Variants in CACNG6 observed in about 807,000 individuals in gnomAD.
CACNG6 encodes the protein calcium voltage-gated channel auxiliary subunit gamma 6.
CACNG6 carries 21 observed loss-of-function variants against 23.9 expected under a neutral mutation model. The ratio of observed to expected loss-of-function variants is 0.88; its 90% CI spans 0.62 to 1.26. The LOEUF is 1.26. Among genes scored for constraint, CACNG6 ranks in the 50% most tolerant of loss-of-function variants. The pLI is 0.00. For missense variants in CACNG6, 340 were observed against 352.9 expected, an observed-to-expected ratio of 0.96 and a Z score of 0.29; for synonymous variants, 182 against 168.9, an observed-to-expected ratio of 1.08 and a Z score of -0.60.
chr19:53,999,920 C>T, intron 3 of CACNG6, 149 bp downstream of exon 3: 1 of 987,300 alleles, frequency 1.0e-6, no homozygotes, highest in Non-Finnish European at 1.5e-6. Context: ...AGTAGGGTCT[C>T]CACACACTGT....
chr19:54,003,753 T>C (rs2069604728), intron 3 of CACNG6, among the ~76,000 whole-genome samples: 2 of 152,200 alleles, frequency 1.3e-5, no homozygotes, highest in African/African-American at 4.8e-5. Flanking sequence ...ACGGCTATAT[T>C]TCCCCGAGGT....
chr19:54,011,329 T>A (rs1318986918), intron 3 of CACNG6, among the ~76,000 whole-genome samples: 1 of 144,648 alleles, frequency 6.9e-6, no homozygotes, highest in East Asian at 2.0e-4. Context: ...GAACCCCAGC[T>A]ACTCGGGAGA....
chr19:53,992,600 C>T lies in CACNG6; in HGVS notation c.-278C>T, dbSNP rs1286797641. 3.5e-6 allele frequency: 1 copy of T among 284,094 alleles called. No individual in the cohort carries two copies. Among genetic ancestry groups the T allele is most frequent in the East Asian group, 5.8e-5 (1 of 17,180 alleles). The allele number at this position is 284,094 out of a possible 1,614,324, so 17.6% of individuals were successfully genotyped here. ...TGGGGGCCTTGTTTTTCCTCTGGGC[C>T]CCGTCTTCTTTGCCAAGTTCTTGAG... is the stretch of plus-strand genomic sequence containing the variant. On this transcript the variant is annotated 5_prime_UTR_variant, in exon 1 of 4. Coordinates refer to ENST00000252729, the MANE Select transcript of CACNG6 (RefSeq NM_145814.2). This position sits in a 1 kb window ranked among gnomAD's most constrained non-coding sequence, Gnocchi z 4.1.
At chr19:54,002,295 T>TTTTTTTG (rs1568815148) in intron 3 of CACNG6, among the ~76,000 whole-genome samples, 1 of 146,178 alleles carries the variant, frequency 6.8e-6, no homozygotes, top group African/African-American at 2.7e-5. Flanking sequence ...TTTTTTTTTT[T>TTTTTTTG]TTTGTAGAGA....
chr19:53,999,929 G>A (rs959909204), intron 3 of CACNG6, among the ~76,000 whole-genome samples, 158 bp downstream of exon 3: 3 of 152,002 alleles, frequency 2.0e-5, no homozygotes, highest in Non-Finnish European at 4.4e-5. Context: ...TCCACACACT[G>A]TTGCATGCTG....
chr19:53,994,546 C>A (rs1355156093), intron 1 of CACNG6, among the ~76,000 whole-genome samples: 2 of 152,158 alleles, frequency 1.3e-5, no homozygotes, highest in Admixed American at 6.5e-5. Flanking sequence ...ATGGAAAATA[C>A]CTGGCACTCC....
rs773976957 is a variant in CACNG6 at position 54,012,082 on chromosome 19, G to C, written c.676G>C (p.Gly226Arg). ...EYSWSLGCGV[G>R]AGLILLLGAG... ...CTCCTGGTCCCTGGGCTGCGGCGTG[G>C]GGGCCGGCCTGATCCTGCTGTTGGG... is the stretch of plus-strand genomic sequence containing the variant. The change falls in exon 4 of 4, where the codon GGG (glycine) becomes CGG (arginine). Residue 226 changes from glycine (G) to arginine (R), a missense_variant. Coordinates refer to ENST00000252729, the MANE Select transcript of CACNG6 (RefSeq NM_145814.2). 8.2e-6 allele frequency: 13 copies of C among 1,585,646 alleles called. No homozygotes were observed. The African/African-American group carries it at 1.4e-4, about 17-fold the overall frequency.
At chr19:54,004,210 G>T (rs1393466024) in intron 3 of CACNG6, among the ~76,000 whole-genome samples, 2 of 151,896 alleles carry the variant, frequency 1.3e-5, no homozygotes, top group Non-Finnish European at 1.5e-5. Flanking sequence ...GCCCAGGCTG[G>T]AGTGCAATGG....
In CACNG6 at chr19:54,012,027, T is replaced by C; in HGVS notation, c.621T>C (p.Pro207=). The C allele has an allele frequency of 6.2e-7, 1 of 1,605,380 alleles. No homozygotes were observed. The highest frequency in any genetic ancestry group is 1.7e-4 in the Middle Eastern group (1 of 5,948). Residue 207 remains proline, a synonymous_variant, in exon 4 of 4, where the codon CCT becomes CCC. Coordinates refer to ENST00000252729, the MANE Select transcript of CACNG6 (RefSeq NM_145814.2). The part of the protein sequence containing the change: ...RALLQRVSPE[P]PPAPRLTYEY... ...TGCTGCAGAGAGTCAGCCCGGAGCC[T>C]CCCCCGGCCCCACGCCTCACCTACG... is the stretch of plus-strand genomic sequence containing the variant.
At chr19:54,011,227 T>TATATATAC (rs1442985544) in intron 3 of CACNG6, among the ~76,000 whole-genome samples, 5 of 95,280 alleles carry the variant, frequency 5.2e-5, no homozygotes, top group South Asian at 7.0e-4. Flanking sequence ...TATATATATA[T>TATATATAC]ACACACACAC....
chr19:54,011,227 T>TATATACACACACACAC (rs1442985544), intron 3 of CACNG6, among the ~76,000 whole-genome samples: 38 of 95,258 alleles, frequency 4.0e-4, no homozygotes, highest in African/African-American at 2.0e-3. Context: ...TATATATATA[T>TATATACACACACACAC]ACACACACAC....
intron 2 of CACNG6, 98 bp downstream of exon 2, chr19:53,998,411 C>A: frequency 1.9e-6 from 2 of 1,057,134 alleles, no homozygotes; most frequent in Non-Finnish European, 2.8e-6. Context: ...TGCTTTACCC[C>A]AGGGCAGGTC....
chr19:54,003,820 C>T (rs2069605447), intron 3 of CACNG6, among the ~76,000 whole-genome samples: 3 of 152,112 alleles, frequency 2.0e-5, no homozygotes, highest in Admixed American at 6.6e-5. Flanking sequence ...TCCTCAAGTC[C>T]ATTCTCCACA....
chr19:53,996,637 C>A (rs1357663266), intron 1 of CACNG6, among the ~76,000 whole-genome samples: 3 of 152,140 alleles, frequency 2.0e-5, no homozygotes, highest in Non-Finnish European at 2.9e-5. Flanking sequence ...AAGTGATCTG[C>A]CTGCCTTGGC....
intron 1 of CACNG6, among the ~76,000 whole-genome samples, chr19:53,997,414 A>G (rs2069531385): frequency 6.6e-6 from 1 of 151,696 alleles, no homozygotes; most frequent in Admixed American, 6.6e-5. Context: ...ATCTGCATAT[A>G]TATTCCTGTT....
At chr19:53,996,863 ATTTTTTT>A (rs35192974) in intron 1 of CACNG6, among the ~76,000 whole-genome samples, 4 of 98,570 alleles carry the variant, frequency 4.1e-5, no homozygotes, top group Admixed American at 1.2e-4. Context: ...GATCTTTGGG[ATTTTTTT>A]TTTTTTTTTT....
chr19:54,012,132 A>G lies in CACNG6; in HGVS notation c.726A>G (p.Thr242=). The G allele has an allele frequency of 6.5e-7, 1 of 1,545,092 alleles. No homozygotes were observed. The change falls in exon 4 of 4, where the codon ACA becomes ACG. Residue 242 remains threonine (T), a synonymous_variant. Transcript: ENST00000252729. ...GGGCCGGCTGCTTTCTGCTGCTCAC[A>G]CTGCCTTCCTGGCCCTGGGGGTCCC... The part of the protein sequence containing the change: ...LLGAGCFLLL[T]LPSWPWGSLC...
intron 3 of CACNG6, 89 bp downstream of exon 3, chr19:53,999,860 C>A: frequency 6.8e-7 from 1 of 1,472,868 alleles, no homozygotes; most frequent in South Asian, 1.3e-5. Flanking sequence ...GGTCTCTATG[C>A]ACTGTTGCAC....
chr19:53,993,945 G>C (rs1459639631), intron 1 of CACNG6, among the ~76,000 whole-genome samples: 1 of 151,854 alleles, frequency 6.6e-6, no homozygotes, highest in East Asian at 1.9e-4. Context: ...TGTGTCCCCA[G>C]ACCCAGCCTG....
Sources: allele counts gnomAD v4.1 joint callset (sites outside exome capture counted in the v4.1 genomes callset), GRCh38; gene constraint gnomAD v4.1.1; non-coding constraint Gnocchi (gnomAD v3.1); transcripts MANE v1.5; gene names NCBI Gene and HGNC (gene_info 2026-07-23, HGNC 2026-07-21).